The following ZBTB20 variants were observed in gnomAD, a reference collection of about 807,000 sequenced individuals.
The protein encoded by ZBTB20 is zinc finger and BTB domain containing 20.
Under a neutral mutation model 56.9 loss-of-function variants are expected in ZBTB20, and 9 were observed. That is an observed-to-expected ratio of 0.16 (90% CI 0.10 to 0.28). The LOEUF (loss-of-function observed/expected upper bound fraction) is 0.28. Among genes scored for constraint, ZBTB20 ranks in the 10% least tolerant of loss-of-function variants. ZBTB20 has a pLI of 1.00. For missense variants in ZBTB20, 655 were observed against 1,003.0 expected, an observed-to-expected ratio of 0.65 and a Z score of 4.69; for synonymous variants, 417 against 420.7, an observed-to-expected ratio of 0.99 and a Z score of 0.11.
chr3:114,812,754 C>G lies in ZBTB20; in HGVS notation c.-416-11580G>C, dbSNP rs573801104. Among the ~76,000 whole-genome samples the G allele has an allele frequency of 7.4e-4, 112 of 152,350 alleles. 3 individuals are homozygous for G. In the South Asian group the frequency reaches 0.023, roughly 31 times the overall value. ...GGGCGCCGTGGAGCAGAGGGCGGTG[C>G]TCCTAGGGGAGGCTCGGGCCGCACA... On this transcript the variant is annotated intron_variant, in intron 4 of 11. Coordinates refer to ENST00000675478, the MANE Select transcript of ZBTB20 (RefSeq NM_001348800.3).
intron 7 of ZBTB20, among the ~76,000 whole-genome samples, chr3:114,424,692 G>C (rs1299874765): frequency 6.6e-6 from 1 of 152,174 alleles, no homozygotes; most frequent in Non-Finnish European, 1.5e-5. Flanking sequence ...CGATCTTACA[G>C]TTGTAGTTTG....
Position 114,325,692 on chromosome 3 carries a change from T to C in ZBTB20, c.*13313A>G, listed in dbSNP as rs2108017544. The C allele has an allele frequency of 6.6e-6, 1 of 152,308 alleles. No individual in the cohort carries two copies. The highest frequency in any genetic ancestry group is 3.4e-3 in the Middle Eastern group (1 of 294). 9.4% of individuals were successfully genotyped at this position (152,308 alleles called of 1,614,324 possible). A position where few individuals can be genotyped will look rare whatever the true frequency, so the allele number is the denominator to read the frequency against. On this transcript the variant is annotated 3_prime_UTR_variant, in exon 12 of 12. Transcript: ENST00000675478. ...TATCAAATTTGGTCCCATCACATTG[T>C]CCTGTTCCCTCTCTTTGTTTTTCTC...
intron 6 of ZBTB20, among the ~76,000 whole-genome samples, chr3:114,556,405 A>G (rs1166136864): frequency 6.6e-6 from 1 of 152,020 alleles, no homozygotes; most frequent in Non-Finnish European, 1.5e-5. Flanking sequence ...AGTTTCATCT[A>G]AAACATATCT....
At chr3:114,970,229 C>T (rs775879243) in intron 3 of ZBTB20, among the ~76,000 whole-genome samples, 6 of 152,134 alleles carry the variant, frequency 3.9e-5, no homozygotes, top group Non-Finnish European at 8.8e-5. Context: ...CTGAAATTCA[C>T]TAATTAGTTG....
intron 10 of ZBTB20, among the ~76,000 whole-genome samples, chr3:114,356,626 T>C (rs368430450): frequency 1.4e-5 from 1 of 70,976 alleles, no homozygotes; most frequent in South Asian, 4.7e-4. Context: ...TAGTGGGTCT[T>C]GCACATGAAA....
At chr3:114,623,205 T>C (rs1454115315) in intron 6 of ZBTB20, among the ~76,000 whole-genome samples, 4 of 152,108 alleles carry the variant, frequency 2.6e-5, no homozygotes, top group African/African-American at 7.2e-5. Flanking sequence ...ATTCTACTTT[T>C]AGGGAGAGTA....
intron 1 of ZBTB20, among the ~76,000 whole-genome samples, chr3:115,130,301 T>C (rs1203515977): frequency 6.6e-6 from 1 of 152,212 alleles, no homozygotes; most frequent in African/African-American, 2.4e-5. Flanking sequence ...AATCAGCAAA[T>C]ATTTATCAAT....
intron 4 of ZBTB20, among the ~76,000 whole-genome samples, chr3:114,839,370 C>T (rs1560306509): frequency 7.0e-6 from 1 of 143,182 alleles, no homozygotes; most frequent in Non-Finnish European, 1.5e-5. Context: ...CACTGCACTC[C>T]ACCCTGCAGC....
chr3:114,591,164 G>A (rs1457913959), intron 6 of ZBTB20, among the ~76,000 whole-genome samples: 1 of 152,110 alleles, frequency 6.6e-6, no homozygotes, highest in Non-Finnish European at 1.5e-5. Flanking sequence ...AATTTGTTTG[G>A]AGGGGTTTGA....
chr3:114,468,673 C>T (rs1350130772), intron 7 of ZBTB20, among the ~76,000 whole-genome samples: 1 of 152,048 alleles, frequency 6.6e-6, no homozygotes, highest in Non-Finnish European at 1.5e-5. Context: ...TTATTCTTTT[C>T]AATAATTCTT....
At chr3:114,359,484 AG>A in intron 10 of ZBTB20, 1 of 152,340 alleles carries the variant, frequency 6.6e-6, no homozygotes, top group East Asian at 1.9e-4. Context: ...GCTGGGACTA[AG>A]GAAAAAAGTC....
intron 6 of ZBTB20, among the ~76,000 whole-genome samples, chr3:114,631,211 G>C (rs936039655): frequency 5.3e-5 from 8 of 151,970 alleles, no homozygotes; most frequent in African/African-American, 1.9e-4. Flanking sequence ...AACTAAGTGG[G>C]TATTCAGAAG....
chr3:114,389,952 G>A lies in ZBTB20; in HGVS notation c.-254-847C>T, dbSNP rs537493485. Among the ~76,000 whole-genome samples, 372 of 149,074 alleles carry A rather than the reference G, an allele frequency of 2.5e-3. 1 individual carries two copies. The highest frequency in any genetic ancestry group is 8.8e-3 in the African/African-American group (356 of 40,498). On this transcript the variant is annotated intron_variant, in intron 7 of 11. Coordinates refer to ENST00000675478, the MANE Select transcript of ZBTB20 (RefSeq NM_001348800.3). ...TATCACTTTTTCATGGTGAGAACAC[G>A]TAAAACCTACTCTCAGTAATTTTCA...
At position 114,320,688 on chromosome 3, in the gene ZBTB20, C is replaced by T. The variant is rs995221299; in HGVS notation, c.*18317G>A. ...AATTTGTTTTTATATTTTTGGTCTA[C>T]AGTAGAATTACATATTAATAATATA... On this transcript the variant is annotated 3_prime_UTR_variant, in exon 12 of 12. Transcript: ENST00000675478. 5.3e-5 allele frequency: 8 copies of T among 151,934 alleles called. No individual in the cohort carries two copies. Among genetic ancestry groups the T allele is most frequent in the Non-Finnish European group, 8.8e-5 (6 of 68,004 alleles). The allele number at this position is 151,934 out of a possible 1,614,324, so 9.4% of individuals were successfully genotyped here. A position where few individuals can be genotyped will look rare whatever the true frequency, so the allele number is the denominator to read the frequency against.
chr3:114,775,673 C>A (rs16823219), intron 5 of ZBTB20, among the ~76,000 whole-genome samples: 5,216 of 152,172 alleles, frequency 0.034, 145 homozygotes, highest in African/African-American at 0.07. Context: ...GATGTTTTCC[C>A]GACAGCCACC....
chr3:114,634,123 T>C (rs2059125466), intron 6 of ZBTB20, among the ~76,000 whole-genome samples: 1 of 147,066 alleles, frequency 6.8e-6, no homozygotes, highest in Admixed American at 6.9e-5. Flanking sequence ...CTAGAGACCA[T>C]GTTAAATCCT....
chr3:114,989,834 A>G (rs2108141513), intron 2 of ZBTB20, among the ~76,000 whole-genome samples: 1 of 152,160 alleles, frequency 6.6e-6, no homozygotes, highest in Non-Finnish European at 1.5e-5. Context: ...TGTAAGTTGG[A>G]TTCCTAGGTA....
At chr3:114,387,050 T>C (rs963243299) in intron 8 of ZBTB20, among the ~76,000 whole-genome samples, 3 of 152,140 alleles carry the variant, frequency 2.0e-5, no homozygotes, top group Non-Finnish European at 4.4e-5. Context: ...TGAGTAAATA[T>C]ACTCACCTCT....
chr3:114,747,935 A>AC lies in ZBTB20; in HGVS notation c.-343+53165_-343+53166insG. Among the ~76,000 whole-genome samples, 2 of 2,140 alleles carry AC rather than the reference A, an allele frequency of 9.3e-4. 1 individual carries two copies. The highest frequency in any genetic ancestry group is 0.1 in the Admixed American group (2 of 20). The allele number at this position is 2,140 out of a possible 152,430, so 1.4% of individuals were successfully genotyped here. A position where few individuals can be genotyped will look rare whatever the true frequency, so the allele number is the denominator to read the frequency against. On this transcript the variant is annotated intron_variant, in intron 5 of 11. Transcript: ENST00000675478. Reference sequence around the variant, plus strand: ...CCGTCTCAAAAAAAAAAAAAAAAAAAAAAAAAAAAAAAAAACCAAGATTGA... The same window carrying AC: ...CCGTCTCAAAAAAAAAAAAAAAAAAACAAAAAAAAAAAAAAACCAAGATTGA...
Sources: gnomAD v4.1 joint callset for allele counts (sites outside exome capture counted in the v4.1 genomes callset) on GRCh38, gnomAD v4.1.1 for gene constraint, MANE v1.5 for transcripts, NCBI Gene and HGNC (gene_info 2026-07-23, HGNC 2026-07-21) for gene names.